The following HNRNPUL1 variants were observed in gnomAD, a reference collection of about 807,000 sequenced individuals.
HNRNPUL1 encodes heterogeneous nuclear ribonucleoprotein U like 1, also known as heterogeneous nuclear ribonucleoprotein U-like protein 1.
Under a neutral mutation model 108.5 loss-of-function variants are expected in HNRNPUL1, and 14 were observed. That is an observed-to-expected ratio of 0.13 (90% CI 0.09 to 0.20). The LOEUF (loss-of-function observed/expected upper bound fraction) is 0.20. HNRNPUL1 is among the 10% of genes least tolerant of loss of function. The pLI, the probability that HNRNPUL1 is intolerant of heterozygous loss-of-function variation, is 1.00. For synonymous variants in HNRNPUL1, 422 were observed against 445.2 expected (o/e 0.95, Z 0.66); for missense variants, 804 against 1,168.3 (o/e 0.69, Z 4.55).
intron 5 of HNRNPUL1, among the ~76,000 whole-genome samples, chr19:41,277,315 C>G (rs2035624501): frequency 6.6e-6 from 1 of 152,056 alleles, no homozygotes; most frequent in African/African-American, 2.4e-5. Context: ...TGGATTATCT[C>G]CATTAATCCT....
chr19:41,277,952 C>CTT (rs34512016), intron 5 of HNRNPUL1, among the ~76,000 whole-genome samples: 5 of 137,256 alleles, frequency 3.6e-5, no homozygotes, highest in Middle Eastern at 7.5e-3. Flanking sequence ...AGTCAGAAGG[C>CTT]TTTTTTTTTT....
At chr19:41,305,430 C>G (rs2037482475) in intron 13 of HNRNPUL1, among the ~76,000 whole-genome samples, 1 of 152,230 alleles carries the variant, frequency 6.6e-6, no homozygotes, top group Non-Finnish European at 1.5e-5. Flanking sequence ...GTGTACCTTG[C>G]TCCCTGGGGG....
intron 10 of HNRNPUL1, among the ~76,000 whole-genome samples, chr19:41,295,885 A>G (rs901250261): frequency 6.6e-6 from 1 of 152,240 alleles, no homozygotes; most frequent in African/African-American, 2.4e-5. Flanking sequence ...AGGATAGTCT[A>G]AAAGCCATCC....
chr19:41,278,885 C>T (rs921840366), intron 5 of HNRNPUL1, among the ~76,000 whole-genome samples, 192 bp from the exon 6 acceptor site: 4 of 152,202 alleles, frequency 2.6e-5, no homozygotes, highest in African/African-American at 9.6e-5. Context: ...TGGCCCTGTA[C>T]TCTACTGATC....
At chr19:41,272,710 G>A (rs1295861803) in intron 3 of HNRNPUL1, among the ~76,000 whole-genome samples, 1 of 152,200 alleles carries the variant, frequency 6.6e-6, no homozygotes, top group Non-Finnish European at 1.5e-5. Flanking sequence ...TGTTGTTCCA[G>A]TGTGGGGACT....
At chr19:41,274,741 G>C (rs942916015) in intron 4 of HNRNPUL1, among the ~76,000 whole-genome samples, 1 of 152,218 alleles carries the variant, frequency 6.6e-6, no homozygotes, top group Non-Finnish European at 1.5e-5. Flanking sequence ...CTTCTCAACA[G>C]AGCAGAAGAT....
At chr19:41,286,024 T>C (rs759638117) in intron 7 of HNRNPUL1, among the ~76,000 whole-genome samples, 15 of 151,884 alleles carry the variant, frequency 9.9e-5, no homozygotes, top group Non-Finnish European at 2.1e-4. Flanking sequence ...GAAATAAAAA[T>C]TAGCTGGGCC....
chr19:41,272,827 T>A (rs1196531778), intron 3 of HNRNPUL1, among the ~76,000 whole-genome samples: 1 of 152,106 alleles, frequency 6.6e-6, no homozygotes, highest in Non-Finnish European at 1.5e-5. Context: ...TCATTTCCCT[T>A]CCCTAACAAG....
rs147614451 is a variant in HNRNPUL1, at chr19:41,272,095, G to A, written c.432G>A (p.Glu144=). The change falls in exon 3 of 15, where the codon GAG becomes GAA. Residue 144 remains glutamate, a synonymous_variant. Transcript: ENST00000392006. ...QQAYRPEMKT[E]MKQGAPTSFL... is the part of the protein sequence containing the mutation. ...TCTTGACAATAGAAATGAAGACAGAGATGAAGCAAGGAGCACCCACCAGCT... is the reference window on the plus strand; with the variant it reads ...TCTTGACAATAGAAATGAAGACAGAAATGAAGCAAGGAGCACCCACCAGCT... 1 of 1,614,030 alleles carries A rather than the reference G, an allele frequency of 6.2e-7. No homozygotes were observed. Among genetic ancestry groups the A allele is most frequent in the African/African-American group, 1.3e-5 (1 of 75,026 alleles).
chr19:41,305,557 C>A, intron 13 of HNRNPUL1, 119 bp from the exon 14 acceptor site: 1 of 1,235,764 alleles, frequency 8.1e-7, no homozygotes, highest in South Asian at 1.3e-5. Context: ...GTCCACTAGG[C>A]AAGGGAAGGG....
chr19:41,294,604 T>C lies in HNRNPUL1; in HGVS notation c.1436T>C (p.Val479Ala). 3 of 1,614,208 alleles carry C rather than the reference T, an allele frequency of 1.9e-6. No individual in the cohort carries two copies. The highest frequency in any genetic ancestry group is 2.5e-6 in the Non-Finnish European group (3 of 1,180,050). The change falls in exon 10 of 15, where the codon GTC becomes GCC. Residue 479 changes from valine (V) to alanine (A), a missense_variant. Around this residue, in one of 4 missense-constraint regions of HNRNPUL1, gnomAD observed 80 missense variants for 221.8 expected, o/e 0.36. Transcript: ENST00000392006. This position sits in a 1 kb window ranked among gnomAD's most constrained non-coding sequence, Gnocchi z 4.3. The stretch of plus-strand genomic sequence containing the variant: ...CGGAACTATGCTGGCCGCTGGGATG[T>C]CCTGATCCAGCAGGCCACCCAGTGC... ...RQRNYAGRWD[V>A]LIQQATQCLN...
At chr19:41,265,712 G>T (rs1488366202) in intron 1 of HNRNPUL1, among the ~76,000 whole-genome samples, 1 of 152,072 alleles carries the variant, frequency 6.6e-6, no homozygotes, top group Admixed American at 6.6e-5. Context: ...GCTAACTGTG[G>T]GGTTTTTGGA....
intron 4 of HNRNPUL1, 91 bp from the exon 5 acceptor site, chr19:41,276,068 A>C (rs531856213): frequency 1.3e-6 from 2 of 1,549,452 alleles, no homozygotes; most frequent in East Asian, 4.5e-5. Flanking sequence ...GCACCATTGC[A>C]CTCCAGCCTG....
chr19:41,296,612 C>T lies in HNRNPUL1; in HGVS notation c.1518+1926C>T, dbSNP rs1172594453. On this transcript the variant is annotated intron_variant, in intron 10 of 14. Transcript: ENST00000392006. ...AACCCCAAAAGTGGGTTCCAGAAAA[C>T]TCTGGGTATGAGAAAGAGGGAGGGG... is the stretch of plus-strand genomic sequence containing the variant. Among the ~76,000 whole-genome samples the T allele has an allele frequency of 2.0e-5, 3 of 152,194 alleles. No homozygotes were observed. In the East Asian group the frequency reaches 5.8e-4, roughly 29 times the overall value.
intron 12 of HNRNPUL1, among the ~76,000 whole-genome samples, chr19:41,303,350 A>ATT (rs34393408): frequency 0.01 from 1,203 of 119,068 alleles, 27 homozygotes; most frequent in African/African-American, 0.032. Flanking sequence ...GCTTCCTCTC[A>ATT]TTTTTTTTTT....
chr19:41,295,939 T>C (rs2036867108), intron 10 of HNRNPUL1, among the ~76,000 whole-genome samples: 1 of 152,226 alleles, frequency 6.6e-6, no homozygotes, highest in Non-Finnish European at 1.5e-5. Flanking sequence ...CAGTGTTCTC[T>C]CCGCTTTGAA....
At chr19:41,298,978 A>G (rs2037044855) in intron 10 of HNRNPUL1, 1 of 151,872 alleles carries the variant, frequency 6.6e-6, no homozygotes, top group African/African-American at 2.4e-5. Context: ...CCTGGCACCT[A>G]CCTACTCTGA....
intron 13 of HNRNPUL1, 37 bp downstream of exon 13, chr19:41,304,298 C>G (rs1039553497): frequency 1.7e-5 from 26 of 1,549,686 alleles, no homozygotes; most frequent in Admixed American, 1.9e-5. Flanking sequence ...GTAGTGATCG[C>G]ACGTGTGCTT....
At chr19:41,282,550 G>C (rs991405081) in intron 7 of HNRNPUL1, among the ~76,000 whole-genome samples, 11 of 152,024 alleles carry the variant, frequency 7.2e-5, no homozygotes, top group Non-Finnish European at 1.6e-4. Context: ...AATTCTCACA[G>C]GGCCTTATCC....
Sources: gnomAD v4.1 joint callset for allele counts (sites outside exome capture counted in the v4.1 genomes callset) on GRCh38, gnomAD v4.1.1 for gene constraint, gnomAD v4.1.1 regional missense constraint, Gnocchi (gnomAD v3.1) non-coding constraint, MANE v1.5 for transcripts, NCBI Gene and HGNC (gene_info 2026-07-23, HGNC 2026-07-21) for gene names.